The following PTPRD variants were observed in gnomAD, a reference collection of about 807,000 sequenced individuals.
PTPRD encodes protein tyrosine phosphatase receptor type D.
A neutral mutation model predicts 214.5 loss-of-function variants in PTPRD; 34 were observed. The ratio of observed to expected loss-of-function variants is 0.16; its 90% CI spans 0.12 to 0.21. The LOEUF (loss-of-function observed/expected upper bound fraction) is 0.21, where lower values mean the gene tolerates loss of function less well. Among genes scored for constraint, PTPRD ranks in the 10% least tolerant of loss-of-function variants. PTPRD has a pLI of 1.00. For missense variants in PTPRD, 2,545 were observed against 2,398.7 expected, an observed-to-expected ratio of 1.06 and a Z score of -1.27; for synonymous variants, 1,128 against 845.7, an observed-to-expected ratio of 1.33 and a Z score of -5.79.
In PTPRD at chr9:9,427,639, A is replaced by C. The variant is rs561976047; in HGVS notation, c.-236-30157T>G. ...ATTTACCAAAGTTGAAAAGAAGGAGAAAATGTTAAGGGCAGCCAGAGAGAA... is the reference window on the plus strand; with the variant it reads ...ATTTACCAAAGTTGAAAAGAAGGAGCAAATGTTAAGGGCAGCCAGAGAGAA... On this transcript the variant is annotated intron_variant, in intron 8 of 45. Coordinates refer to ENST00000381196, the MANE Select transcript of PTPRD (RefSeq NM_002839.4). Among the ~76,000 whole-genome samples, 160 of 152,322 alleles carry C rather than the reference A, an allele frequency of 1.1e-3. 1 individual carries two copies. The highest frequency in any genetic ancestry group is 3.7e-3 in the African/African-American group (153 of 41,566).
chr9:10,126,934 G>A (rs1426067031), intron 3 of PTPRD, among the ~76,000 whole-genome samples: 3 of 139,228 alleles, frequency 2.2e-5, no homozygotes, highest in Non-Finnish European at 4.5e-5. Flanking sequence ...TAGACTCTGA[G>A]TCTCAAATGG....
At chr9:10,303,233 A>G (rs1255215296) in intron 3 of PTPRD, among the ~76,000 whole-genome samples, 1 of 152,222 alleles carries the variant, frequency 6.6e-6, no homozygotes, top group East Asian at 1.9e-4. Context: ...GTCACGATGT[A>G]CCAGAATCTC....
At chr9:8,560,746 G>A (rs1241705001) in intron 14 of PTPRD, among the ~76,000 whole-genome samples, 2 of 152,086 alleles carry the variant, frequency 1.3e-5, no homozygotes, top group African/African-American at 4.8e-5. Flanking sequence ...TGATCATGCT[G>A]TGCCTGTATA....
At chr9:9,035,568 G>A (rs778490251) in intron 10 of PTPRD, among the ~76,000 whole-genome samples, 6 of 106,652 alleles carry the variant, frequency 5.6e-5, no homozygotes, top group Admixed American at 1.1e-4. Context: ...AACCCCACCC[G>A]CTTCCTCTCT....
At chr9:8,526,447 A>G (rs989646986) in intron 17 of PTPRD, among the ~76,000 whole-genome samples, 180 bp downstream of exon 17, 1 of 152,002 alleles carries the variant, frequency 6.6e-6, no homozygotes, top group Non-Finnish European at 1.5e-5. Context: ...AGAGAGAAAG[A>G]AAAAGGAAAG....
At chr9:9,550,666 G>C (rs932112787) in intron 8 of PTPRD, among the ~76,000 whole-genome samples, 2 of 151,320 alleles carry the variant, frequency 1.3e-5, no homozygotes, top group African/African-American at 4.8e-5. Flanking sequence ...CGCATGAAAA[G>C]AATGTAAAGA....
intron 11 of PTPRD, among the ~76,000 whole-genome samples, chr9:8,930,936 C>A (rs1300619617): frequency 2.6e-5 from 4 of 152,080 alleles, no homozygotes; most frequent in East Asian, 3.9e-4. Flanking sequence ...ATGGTAGTTT[C>A]TTTTGCTGTG....
intron 6 of PTPRD, among the ~76,000 whole-genome samples, chr9:9,738,233 C>A (rs560299025): frequency 1.3e-5 from 2 of 151,988 alleles, no homozygotes; most frequent in Non-Finnish European, 2.9e-5. Flanking sequence ...GCACATGTAC[C>A]CTAAAACTTA....
chr9:9,080,033 T>A (rs1424095496), intron 10 of PTPRD, among the ~76,000 whole-genome samples: 1 of 152,084 alleles, frequency 6.6e-6, no homozygotes, highest in Admixed American at 6.6e-5. Context: ...TATTGGTATT[T>A]TATGTGATCA....
intron 6 of PTPRD, among the ~76,000 whole-genome samples, chr9:9,754,121 T>C (rs1223608595): frequency 6.6e-6 from 1 of 152,084 alleles, no homozygotes; most frequent in Non-Finnish European, 1.5e-5. Context: ...AAAAACTGAT[T>C]GCTTGAATGA....
At chr9:8,636,427 G>C (rs1263107212) in intron 13 of PTPRD, among the ~76,000 whole-genome samples, 1 of 152,126 alleles carries the variant, frequency 6.6e-6, no homozygotes, top group Non-Finnish European at 1.5e-5. Flanking sequence ...AGGTTGCAGA[G>C]CTCCATCTTG....
chr9:8,344,153 G>C (rs550935777), intron 39 of PTPRD, among the ~76,000 whole-genome samples: 7 of 151,952 alleles, frequency 4.6e-5, no homozygotes, highest in Non-Finnish European at 1.0e-4. Flanking sequence ...AACATCTTTC[G>C]TTCTTTCTGT....
At position 8,974,021 on chromosome 9, in the gene PTPRD, T is replaced by C. The variant is rs79079629; in HGVS notation, c.-104+44676A>G. Among the ~76,000 whole-genome samples the C allele has an allele frequency of 3.2e-3, 486 of 152,236 alleles. 3 individuals carry two copies. Among genetic ancestry groups the C allele is most frequent in the African/African-American group, 0.011 (467 of 41,550 alleles). ...TACTGTAGGTGGTCTGCTTACTCTG[T>C]CCATAGTTTCTTTTGTTTTGCAGAA... On this transcript the variant is annotated intron_variant, in intron 11 of 45. Coordinates refer to ENST00000381196, the MANE Select transcript of PTPRD (RefSeq NM_002839.4).
chr9:9,282,714 G>A (rs1595114030), intron 9 of PTPRD, among the ~76,000 whole-genome samples: 2 of 151,332 alleles, frequency 1.3e-5, no homozygotes, highest in Non-Finnish European at 3.0e-5. Flanking sequence ...GTGGACAATT[G>A]TTGTTTACTT....
rs182248934 is a variant in PTPRD at position 8,640,536 on chromosome 9, G to A, written c.65-3692C>T. Reference sequence around the variant, plus strand: ...TTCTAAATCCTACCACTGTATTGATGTGATATTCTTAAAAAACAAAAAAAC... The same window carrying A: ...TTCTAAATCCTACCACTGTATTGATATGATATTCTTAAAAAACAAAAAAAC... On this transcript the variant is annotated intron_variant, in intron 12 of 45. Coordinates refer to ENST00000381196, the MANE Select transcript of PTPRD (RefSeq NM_002839.4). Among the ~76,000 whole-genome samples the A allele has an allele frequency of 1.8e-3, 261 of 143,448 alleles. 3 individuals carry two copies. The highest frequency in any genetic ancestry group is 6.5e-3 in the African/African-American group (248 of 38,448). The allele number at this position is 143,448 out of a possible 152,430, so 94.1% of individuals were successfully genotyped here.
In PTPRD at chr9:8,458,439, T is replaced by C. The variant is rs185370418; in HGVS notation, c.3875+1972A>G. Among the ~76,000 whole-genome samples the C allele has an allele frequency of 7.2e-4, 109 of 152,260 alleles. 1 individual carries two copies. The highest frequency in any genetic ancestry group is 6.8e-3 in the Middle Eastern group (2 of 294). Reference sequence around the variant, plus strand: ...AAAAATAAGGCATTAATTTTTCCCATTTCAAATAATCACAAAATGTCATGT... The same window carrying C: ...AAAAATAAGGCATTAATTTTTCCCACTTCAAATAATCACAAAATGTCATGT... On this transcript the variant is annotated intron_variant, in intron 33 of 45. Transcript: ENST00000381196.
intron 4 of PTPRD, among the ~76,000 whole-genome samples, chr9:9,949,376 G>A (rs1473054552): frequency 1.3e-5 from 2 of 152,038 alleles, no homozygotes; most frequent in Non-Finnish European, 2.9e-5. Context: ...ATTATTTGAT[G>A]AAATCCACAT....
chr9:9,212,393 G>A (rs568658624), intron 9 of PTPRD, among the ~76,000 whole-genome samples: 49 of 152,170 alleles, frequency 3.2e-4, no homozygotes, highest in African/African-American at 1.1e-3. Context: ...AGCTTTTAGT[G>A]TCTTCCAGCT....
At chr9:10,171,377 C>T (rs575799156) in intron 3 of PTPRD, among the ~76,000 whole-genome samples, 2 of 152,068 alleles carry the variant, frequency 1.3e-5, no homozygotes, top group East Asian at 3.9e-4. Context: ...AGGAGAAACC[C>T]TTTCGCTTGG....
Sources: gnomAD v4.1 joint callset for allele counts (sites outside exome capture counted in the v4.1 genomes callset) on GRCh38, gnomAD v4.1.1 for gene constraint, MANE v1.5 for transcripts, NCBI Gene and HGNC (gene_info 2026-07-23, HGNC 2026-07-21) for gene names.